Variants in GULP1 observed in about 807,000 individuals in gnomAD.
The protein encoded by GULP1 is GULP PTB domain containing engulfment adaptor 1.
Under a neutral mutation model 40.9 loss-of-function variants are expected in GULP1, and 19 were observed. The ratio of observed to expected loss-of-function variants is 0.46; its 90% CI spans 0.32 to 0.68. GULP1 has a LOEUF of 0.68. Ranked by LOEUF, GULP1 falls within the 30% of genes least tolerant of loss-of-function variation. GULP1 has a pLI of 0.03. For synonymous variants in GULP1, 119 were observed against 117.6 expected (o/e 1.01, Z -0.08); for missense variants, 312 against 362.2 (o/e 0.86, Z 1.12).
chr2:188,528,431 G>A lies in GULP1; in HGVS notation c.163-666G>A, dbSNP rs998206458. Among the ~76,000 whole-genome samples the A allele has an allele frequency of 2.9e-4, 44 of 151,526 alleles. 1 individual carries two copies. Among genetic ancestry groups the A allele is most frequent in the Non-Finnish European group, 8.8e-5 (6 of 67,912 alleles). ...TGGTTTTCTTTTTGATTTTATAACA[G>A]AATCGAACAAGCATTTACATACACC... On this transcript the variant is annotated intron_variant, in intron 5 of 11. Transcript: ENST00000409830.
At chr2:188,483,754 C>T (rs1043117576) in intron 4 of GULP1, among the ~76,000 whole-genome samples, 1 of 151,986 alleles carries the variant, frequency 6.6e-6, no homozygotes, top group Non-Finnish European at 1.5e-5. Flanking sequence ...AAAACATTTG[C>T]AATATCATGG....
intron 2 of GULP1, among the ~76,000 whole-genome samples, chr2:188,427,954 T>C (rs1174839429): frequency 2.0e-5 from 3 of 152,182 alleles, no homozygotes; most frequent in African/African-American, 4.8e-5. Flanking sequence ...AGAGTAGCCA[T>C]GGGGGCTGAG....
chr2:188,404,326 G>A (rs534620373), intron 2 of GULP1, among the ~76,000 whole-genome samples: 93 of 152,288 alleles, frequency 6.1e-4, no homozygotes, highest in African/African-American at 2.2e-3. Context: ...AGGAAACTGA[G>A]TGTAGCATAG....
At position 188,566,794 on chromosome 2, in the gene GULP1, C is replaced by CAA. The variant is rs11350294; in HGVS notation, c.400-2420_400-2419dup. Among the ~76,000 whole-genome samples the CAA allele has an allele frequency of 4.4e-3, 118 of 26,896 alleles. 8 individuals carry two copies. The highest frequency in any genetic ancestry group is 0.014 in the African/African-American group (95 of 6,942). The allele number at this position is 26,896 out of a possible 152,430, so 17.6% of individuals were successfully genotyped here. On this transcript the variant is annotated intron_variant, in intron 7 of 11. Coordinates refer to ENST00000409830, the MANE Select transcript of GULP1 (RefSeq NM_016315.4). ...TGGGTAGCTGAGTGAGACTCCATCT[C>CAA]AAAAAAAAAAAAAAAAAAAAAAAAA...
intron 4 of GULP1, among the ~76,000 whole-genome samples, chr2:188,487,059 ATGT>A: frequency 6.6e-6 from 1 of 152,080 alleles, no homozygotes; most frequent in African/African-American, 2.4e-5. Context: ...TATAATTAGA[ATGT>A]TAATGCAGAA....
chr2:188,477,528 A>G (rs1195502101), intron 2 of GULP1, 131 bp from the exon 3 acceptor site: 1 of 525,516 alleles, frequency 1.9e-6, no homozygotes, highest in Non-Finnish European at 3.3e-6. Context: ...ATGTCCTTTG[A>G]GGCATTTTAG....
intron 2 of GULP1, among the ~76,000 whole-genome samples, chr2:188,474,390 G>C (rs980922657): frequency 6.6e-6 from 1 of 152,182 alleles, no homozygotes; most frequent in Non-Finnish European, 1.5e-5. Flanking sequence ...CAGTGGCAAG[G>C]CTTGTGGTAA....
intron 2 of GULP1, among the ~76,000 whole-genome samples, chr2:188,405,733 A>G (rs2052988837): frequency 6.6e-6 from 1 of 152,220 alleles, no homozygotes; most frequent in Non-Finnish European, 1.5e-5. Flanking sequence ...AGCTTACATA[A>G]GGACCCCAGC....
At chr2:188,544,377 C>T (rs935263179) in intron 7 of GULP1, among the ~76,000 whole-genome samples, 3 of 151,854 alleles carry the variant, frequency 2.0e-5, no homozygotes, top group African/African-American at 7.3e-5. Context: ...AAAATCTTAT[C>T]AAACAGAAAA....
chr2:188,562,733 A>C (rs1696628759), intron 7 of GULP1, among the ~76,000 whole-genome samples: 1 of 152,156 alleles, frequency 6.6e-6, no homozygotes, highest in Admixed American at 6.6e-5. Context: ...AACAGAGTAT[A>C]CTTTCCTTTT....
intron 1 of GULP1, among the ~76,000 whole-genome samples, chr2:188,305,776 A>C (rs1180860412): frequency 1.3e-5 from 2 of 152,076 alleles, no homozygotes; most frequent in Non-Finnish European, 2.9e-5. Flanking sequence ...TCTTTTTAAA[A>C]AGATTTTCAA....
At chr2:188,523,571 A>G (rs554198494) in intron 5 of GULP1, among the ~76,000 whole-genome samples, 130 of 151,476 alleles carry the variant, frequency 8.6e-4, no homozygotes, top group East Asian at 4.1e-3. Context: ...TTTTTTTTAC[A>G]CAGTTAAATG....
At chr2:188,362,153 C>G (rs951392618) in intron 1 of GULP1, among the ~76,000 whole-genome samples, 1 of 152,004 alleles carries the variant, frequency 6.6e-6, no homozygotes, top group Non-Finnish European at 1.5e-5. Flanking sequence ...GAAACTGTGT[C>G]TATCTCATCA....
intron 3 of GULP1, among the ~76,000 whole-genome samples, chr2:188,480,433 A>G (rs897304611): frequency 5.9e-5 from 9 of 151,914 alleles, no homozygotes; most frequent in African/African-American, 2.2e-4. Context: ...AAAAAAGACC[A>G]TCTTAAACCT....
intron 1 of GULP1, among the ~76,000 whole-genome samples, chr2:188,312,612 T>C (rs781196494): frequency 6.6e-6 from 1 of 152,206 alleles, no homozygotes; most frequent in Non-Finnish European, 1.5e-5. Context: ...AACATATGTG[T>C]GCATGTGTCT....
chr2:188,522,179 A>G (rs923184124), intron 4 of GULP1, among the ~76,000 whole-genome samples: 11 of 152,344 alleles, frequency 7.2e-5, no homozygotes, highest in Middle Eastern at 3.4e-3. Flanking sequence ...TATCTTGGCT[A>G]TTAAAAGAAG....
At chr2:188,581,997 T>C (rs1200323531) in intron 9 of GULP1, among the ~76,000 whole-genome samples, 1 of 152,178 alleles carries the variant, frequency 6.6e-6, no homozygotes, top group African/African-American at 2.4e-5. Context: ...CCTTCCTTTT[T>C]CCATTTCATT....
intron 4 of GULP1, among the ~76,000 whole-genome samples, chr2:188,486,914 G>A (rs1397692647): frequency 6.6e-6 from 1 of 151,816 alleles, no homozygotes; most frequent in African/African-American, 2.4e-5. Flanking sequence ...ATTTAGAGAT[G>A]GGTAGCAAGG....
chr2:188,481,819 G>A (rs905309029), intron 3 of GULP1, among the ~76,000 whole-genome samples: 1 of 151,804 alleles, frequency 6.6e-6, no homozygotes, highest in Non-Finnish European at 1.5e-5. Flanking sequence ...TTTCCTAAAG[G>A]TGTTTTTCTT....
Sources: gnomAD v4.1 joint callset for allele counts (sites outside exome capture counted in the v4.1 genomes callset) on GRCh38, gnomAD v4.1.1 for gene constraint, MANE v1.5 for transcripts, NCBI Gene and HGNC (gene_info 2026-07-23, HGNC 2026-07-21) for gene names.